Variants in UGT1A6 observed in about 807,000 individuals in gnomAD.
UGT1A6 encodes UDP glucuronosyltransferase family 1 member A6, also known as UDP-glucuronosyltransferase 1A6.
UGT1A6 carries 32 observed loss-of-function variants against 44.4 expected under a neutral mutation model. The observed-to-expected ratio is 0.72, with a 90% CI of 0.54 to 0.97. The LOEUF is 0.97. Ranked by LOEUF, UGT1A6 falls within the 50% of genes least tolerant of loss-of-function variation. UGT1A6 has a pLI of 0.00. For synonymous variants in UGT1A6, 238 were observed against 248.5 expected (o/e 0.96, Z 0.40); for missense variants, 685 against 661.9 (o/e 1.03, Z -0.38).
At chr2:233,759,644 C>A (rs34916116) in intron 1 of UGT1A6, among the ~76,000 whole-genome samples, 5,494 of 124,518 alleles carry the variant, frequency 0.044, 131 homozygotes, top group Non-Finnish European at 0.061. Flanking sequence ...TAGCATGCTT[C>A]ACGATTTCTA....
chr2:233,764,444 A>G (rs1698561692), intron 1 of UGT1A6, among the ~76,000 whole-genome samples: 2 of 152,188 alleles, frequency 1.3e-5, no homozygotes, highest in African/African-American at 4.8e-5. Context: ...CTTTTGTGCC[A>G]TTTAAACTTT....
At chr2:233,700,814 T>C (rs909154116) in intron 1 of UGT1A6, among the ~76,000 whole-genome samples, 1 of 152,156 alleles carries the variant, frequency 6.6e-6, no homozygotes, top group African/African-American at 2.4e-5. Flanking sequence ...GTTGGTGTGC[T>C]GCACCCATTA....
intron 1 of UGT1A6, chr2:233,748,094 C>T: frequency 6.2e-7 from 1 of 1,612,860 alleles, no homozygotes; most frequent in Non-Finnish European, 8.5e-7. Flanking sequence ...GTGTTCGTGC[C>T]TTCATCCAAT....
chr2:233,718,650 G>A (rs762582073), intron 1 of UGT1A6: 221 of 1,506,712 alleles, frequency 1.5e-4, no homozygotes, highest in Middle Eastern at 2.4e-4. Context: ...GGCCCATAAC[G>A]AAAGGCAGTT....
At chr2:233,743,265 C>T (rs1186542660) in intron 1 of UGT1A6, 3 of 455,180 alleles carry the variant, frequency 6.6e-6, no homozygotes, top group Admixed American at 3.0e-5. Flanking sequence ...CATCTTCCTC[C>T]ACTTCCACCC....
At chr2:233,715,160 A>T (rs1169794492) in intron 1 of UGT1A6, among the ~76,000 whole-genome samples, 1 of 152,210 alleles carries the variant, frequency 6.6e-6, no homozygotes, top group Non-Finnish European at 1.5e-5. Flanking sequence ...TGCTGGAATT[A>T]CAGGCGCGAG....
At chr2:233,745,781 CAG>C (rs757535018) in intron 1 of UGT1A6, among the ~76,000 whole-genome samples, 4 of 150,162 alleles carry the variant, frequency 2.7e-5, no homozygotes, top group Non-Finnish European at 5.9e-5. Flanking sequence ...TGAGCTTAGA[CAG>C]GGGGGCTGGG....
At chr2:233,698,592 A>G (rs1559349856) in intron 1 of UGT1A6, among the ~76,000 whole-genome samples, 1 of 152,200 alleles carries the variant, frequency 6.6e-6, no homozygotes, top group South Asian at 2.1e-4. Context: ...TAATCCAAGA[A>G]ATTCGGATTA....
chr2:233,718,010 G>A lies in UGT1A6; in HGVS notation c.861+24145G>A, dbSNP rs28898608. On this transcript the variant is annotated intron_variant, in intron 1 of 4. Transcript: ENST00000305139. ...CAGACTGTGCAAGATCTGAGGCCAG[G>A]CTCCAGCTCCCCAGGTCCTTTGGTG... The A allele has an allele frequency of 4.4e-3, 1,784 of 402,414 alleles. 38 individuals carry two copies. Among genetic ancestry groups the A allele is most frequent in the African/African-American group, 0.033 (1,616 of 48,364 alleles). The allele number at this position is 402,414 out of a possible 1,614,324, so 24.9% of individuals were successfully genotyped here. A position where few individuals can be genotyped will look rare whatever the true frequency, so the allele number is the denominator to read the frequency against.
intron 1 of UGT1A6, among the ~76,000 whole-genome samples, chr2:233,727,887 G>A (rs1352414906): frequency 2.0e-5 from 3 of 152,190 alleles, no homozygotes; most frequent in Non-Finnish European, 4.4e-5. Flanking sequence ...AGCAATGGCA[G>A]ACACGGCCAG....
chr2:233,744,980 G>A (rs1692979759), intron 1 of UGT1A6, among the ~76,000 whole-genome samples: 1 of 151,830 alleles, frequency 6.6e-6, no homozygotes, highest in Non-Finnish European at 1.5e-5. Context: ...TAAGCCTCTA[G>A]TCATCTCTTG....
In UGT1A6 at chr2:233,693,123, T is replaced by G; in HGVS notation, c.119T>G (p.Leu40Arg). The G allele has an allele frequency of 6.2e-7, 1 of 1,614,176 alleles. No individual in the cohort carries two copies. Among genetic ancestry groups the G allele is most frequent in the Non-Finnish European group, 8.5e-7 (1 of 1,180,038 alleles). ...GTCCCTCAGGACGGAAGCCACTGGC[T>G]TAGTATGAAGGATATAGTTGAGGTT... is the stretch of plus-strand genomic sequence containing the variant. ...LVVPQDGSHW[L>R]SMKDIVEVLS... is the part of the protein sequence containing the mutation. Residue 40 changes from leucine (L) to arginine (R), a missense_variant, in exon 1 of 5, where the codon CTT becomes CGT. Transcript: ENST00000305139.
chr2:233,711,739 C>T (rs1321906009), intron 1 of UGT1A6, among the ~76,000 whole-genome samples: 2 of 152,216 alleles, frequency 1.3e-5, no homozygotes, highest in Non-Finnish European at 2.9e-5. Context: ...ATGGCAGACA[C>T]GGCCAGGCAT....
chr2:233,745,955 G>T (rs1353220886), intron 1 of UGT1A6, among the ~76,000 whole-genome samples: 1 of 151,634 alleles, frequency 6.6e-6, no homozygotes, highest in Non-Finnish European at 1.5e-5. Flanking sequence ...GGCAACTGGG[G>T]GACAGGGGCC....
chr2:233,737,696 C>T (rs2078911570), intron 1 of UGT1A6, among the ~76,000 whole-genome samples: 1 of 152,160 alleles, frequency 6.6e-6, no homozygotes, highest in African/African-American at 2.4e-5. Context: ...GGTGCTGAAG[C>T]TTCCGTTCTC....
intron 1 of UGT1A6, among the ~76,000 whole-genome samples, chr2:233,715,121 A>G (rs2076433568): frequency 6.6e-6 from 1 of 152,186 alleles, no homozygotes; most frequent in Non-Finnish European, 1.5e-5. Context: ...CCTGATCTCA[A>G]GTGATTCACT....
chr2:233,761,233 T>G, intron 1 of UGT1A6: 1 of 1,613,114 alleles, frequency 6.2e-7, no homozygotes, highest in South Asian at 1.1e-5. Flanking sequence ...CCCAGATATA[T>G]GCTGAGCAAG....
chr2:233,726,527 G>A (rs2125719925), intron 1 of UGT1A6, among the ~76,000 whole-genome samples: 1 of 152,108 alleles, frequency 6.6e-6, no homozygotes, highest in South Asian at 2.1e-4. Context: ...TCCACTTTTA[G>A]GGAGATGCAG....
At chr2:233,724,263 A>G (rs1575551181) in intron 1 of UGT1A6, among the ~76,000 whole-genome samples, 11 of 125,726 alleles carry the variant, frequency 8.7e-5, no homozygotes, top group Admixed American at 7.6e-4. Context: ...CACCTCCCGG[A>G]CGGGGCGGCT....
Sources: allele counts gnomAD v4.1 joint callset (sites outside exome capture counted in the v4.1 genomes callset), GRCh38; gene constraint gnomAD v4.1.1; transcripts MANE v1.5; gene names NCBI Gene and HGNC (gene_info 2026-07-23, HGNC 2026-07-21).